The following SVEP1 variants were observed in gnomAD, a reference collection of about 807,000 sequenced individuals.
The protein encoded by SVEP1 is sushi, von Willebrand factor type A, EGF and pentraxin domain containing 1, also known as sushi, von Willebrand factor type A, EGF and pentraxin domain-containing protein 1.
In SVEP1, 164 loss-of-function variants were observed where a neutral mutation model predicts 367.3. That is an observed-to-expected ratio of 0.45 (90% confidence interval 0.39 to 0.51). The LOEUF is 0.51. Ranked by LOEUF, SVEP1 falls within the 20% of genes least tolerant of loss-of-function variation. The pLI is 0.00. For missense variants in SVEP1, 4,117 were observed against 4,425.3 expected, an observed-to-expected ratio of 0.93 and a Z score of 1.98; for synonymous variants, 1,666 against 1,611.6, an observed-to-expected ratio of 1.03 and a Z score of -0.81.
rs771122991 is a variant in SVEP1 at position 110,404,388 on chromosome 9, T to A, written c.9605A>T (p.Gln3202Leu). 7 of 1,613,896 alleles carry A rather than the reference T, an allele frequency of 4.3e-6. No homozygotes were observed. In the East Asian group the frequency reaches 1.6e-4, roughly 36 times the overall value. The change falls in exon 39 of 48, where the codon CAA becomes CTA. Residue 3202 changes from glutamine (Q) to leucine (L), a missense_variant. Around this residue, in one of 4 missense-constraint regions of SVEP1, gnomAD observed 1,765 missense variants for 1,781.1 expected, o/e 0.99. Coordinates refer to ENST00000374469, the MANE Select transcript of SVEP1 (RefSeq NM_153366.4). ...VHGDDFSVNR[Q>L]VSVSCAEGYT... ...CCCTTCTGCACATGACACAGAAACT[T>A]GCCTATTCACACTGAAATCGTCCCC...
At chr9:110,401,209 C>T (rs1827855812) in intron 39 of SVEP1, among the ~76,000 whole-genome samples, 200 bp from the exon 40 acceptor site, 1 of 151,986 alleles carries the variant, frequency 6.6e-6, no homozygotes, top group Admixed American at 6.6e-5. Context: ...AATAGTCACC[C>T]ACAGACAATT....
chr9:110,443,622 T>A lies in SVEP1; in HGVS notation c.4562A>T (p.Asn1521Ile), dbSNP rs761189420. Reference sequence around the variant, plus strand: ...ATCGATATAGACTTTCCAGATGCCATTGGCACTTGTCCAAGTGATTGCAAT... The same window carrying A: ...ATCGATATAGACTTTCCAGATGCCAATGGCACTTGTCCAAGTGATTGCAAT... ...HHIAITWTSANGIWKVYIDGK... is the reference protein window; with the variant it reads ...HHIAITWTSAIGIWKVYIDGK... Residue 1521 changes from asparagine (N) to isoleucine (I), a missense_variant, in exon 27 of 48, where the codon AAT becomes ATT. Transcript: ENST00000374469. The A allele has an allele frequency of 1.9e-6, 3 of 1,613,416 alleles. No homozygotes were observed. The highest frequency in any genetic ancestry group is 2.5e-6 in the Non-Finnish European group (3 of 1,179,732).
chr9:110,401,865 G>A (rs1827868290), intron 39 of SVEP1, among the ~76,000 whole-genome samples: 1 of 151,912 alleles, frequency 6.6e-6, no homozygotes, highest in South Asian at 2.1e-4. Flanking sequence ...ATATTTTTCT[G>A]TTTTCTTTGT....
At chr9:110,466,765 A>AAAAAAAAAG (rs1828944787) in intron 17 of SVEP1, among the ~76,000 whole-genome samples, 2 of 143,880 alleles carry the variant, frequency 1.4e-5, no homozygotes, top group Admixed American at 7.0e-5. Flanking sequence ...CATCTCAAAA[A>AAAAAAAAAG]AAAAAAAAAA....
At position 110,429,322 on chromosome 9, in the gene SVEP1, T is replaced by A; in HGVS notation, c.5628A>T (p.Gly1876=). Residue 1876 remains glycine, a synonymous_variant, in exon 35 of 48, where the codon GGA becomes GGT. Coordinates refer to ENST00000374469, the MANE Select transcript of SVEP1 (RefSeq NM_153366.4). ...GSKVTYRCNK[G]YTLAGDKESS... ...ATTCTTTATCACCGGCCAGAGTATA[T>A]CCTTTATTACACCTAAAGAAGATAG... 6.4e-7 allele frequency: 1 copy of A among 1,567,256 alleles called. No homozygotes were observed. Among genetic ancestry groups the A allele is most frequent in the Non-Finnish European group, 8.6e-7 (1 of 1,157,634 alleles).
At chr9:110,375,661 A>C (rs566888618) in intron 45 of SVEP1, among the ~76,000 whole-genome samples, 198 bp from the exon 46 acceptor site, 18 of 152,280 alleles carry the variant, frequency 1.2e-4, no homozygotes, top group Middle Eastern at 3.4e-3. Flanking sequence ...CAGGAAAGTA[A>C]GCCTGGATTC....
rs1001263420 is a variant in SVEP1, at chr9:110,386,189, G to C, written c.10061-115C>G. ...TGGGTTCTCAATAATGATCATATAA[G>C]GTTTAAAAATATGGAACTCCAAACA... is the stretch of plus-strand genomic sequence containing the variant. On this transcript the variant is annotated intron_variant, in intron 42 of 47. Transcript: ENST00000374469. 10 of 1,142,798 alleles carry C rather than the reference G, an allele frequency of 8.8e-6. No individual in the cohort carries two copies. In the Admixed American group the frequency reaches 3.2e-4, roughly 37 times the overall value. 70.8% of individuals were successfully genotyped at this position (1,142,798 alleles called of 1,614,324 possible).
chr9:110,471,733 T>C (rs1829020960), intron 15 of SVEP1, 136 bp from the exon 16 acceptor site: 1 of 679,874 alleles, frequency 1.5e-6, no homozygotes, highest in Admixed American at 3.0e-5. Context: ...AAAATAAAAA[T>C]CTTTCAGGAA....
rs1470289454 is a variant in SVEP1 at position 110,429,912 on chromosome 9, A to G, written c.5615+8T>C. The G allele has an allele frequency of 1.9e-6, 3 of 1,609,444 alleles. No individual in the cohort carries two copies. Among genetic ancestry groups the G allele is most frequent in the Non-Finnish European group, 2.5e-6 (3 of 1,177,082 alleles). On this transcript the variant is annotated splice_region_variant and intron_variant, in intron 34 of 47. Coordinates refer to ENST00000374469, the MANE Select transcript of SVEP1 (RefSeq NM_153366.4). The stretch of plus-strand genomic sequence containing the variant: ...TTCTACAATATAGTTTTAATCTTAG[A>G]TACTTACCTATATGTCACTTTGCTG...
intron 13 of SVEP1, among the ~76,000 whole-genome samples, chr9:110,477,216 T>C (rs1396426824): frequency 1.3e-5 from 2 of 152,208 alleles, no homozygotes; most frequent in Non-Finnish European, 2.9e-5. Context: ...AACAGTTCCT[T>C]GACTTCATCA....
intron 14 of SVEP1, among the ~76,000 whole-genome samples, chr9:110,473,361 C>T (rs1433058615): frequency 6.6e-6 from 1 of 152,072 alleles, no homozygotes; most frequent in Non-Finnish European, 1.5e-5. Context: ...GAAATAATCA[C>T]CATGAACATT....
chr9:110,407,431 A>G lies in SVEP1; in HGVS notation c.8169T>C (p.Pro2723=). 2 of 1,614,038 alleles carry G rather than the reference A, an allele frequency of 1.2e-6. No homozygotes were observed. The highest frequency in any genetic ancestry group is 1.7e-6 in the Non-Finnish European group (2 of 1,179,902). Residue 2723 remains proline (P), a synonymous_variant, in exon 38 of 48, where the codon CCT becomes CCC. Coordinates refer to ENST00000374469, the MANE Select transcript of SVEP1 (RefSeq NM_153366.4). ...ISIECDLPTA[P]ENGFLRFTET... ...CTGTAAAACGCAAAAAGCCATTTTCAGGAGCAGTAGGCAAGTCACATTCAA... is the reference window on the plus strand; with the variant it reads ...CTGTAAAACGCAAAAAGCCATTTTCGGGAGCAGTAGGCAAGTCACATTCAA...
At chr9:110,401,600 A>G (rs1189633863) in intron 39 of SVEP1, among the ~76,000 whole-genome samples, 3 of 150,972 alleles carry the variant, frequency 2.0e-5, no homozygotes, top group Non-Finnish European at 4.4e-5. Context: ...TTATAAAGAA[A>G]TCCTCAATAA....
At chr9:110,491,330 T>C (rs543741093) in intron 8 of SVEP1, among the ~76,000 whole-genome samples, 20 of 152,138 alleles carry the variant, frequency 1.3e-4, no homozygotes, top group African/African-American at 4.8e-4. Context: ...TATAAATATT[T>C]TGCTTTTTAA....
intron 43 of SVEP1, among the ~76,000 whole-genome samples, chr9:110,381,077 CATTTTT>C (rs1325414724): frequency 6.6e-6 from 1 of 152,102 alleles, no homozygotes; most frequent in Admixed American, 6.6e-5. Flanking sequence ...TTCCCTTTAT[CATTTTT>C]ATTGTCTATT....
chr9:110,492,502 T>A (rs1305998051), intron 8 of SVEP1, among the ~76,000 whole-genome samples: 1 of 152,100 alleles, frequency 6.6e-6, no homozygotes, highest in African/African-American at 2.4e-5. Flanking sequence ...TTTAAAACTT[T>A]ATTAAAAAGA....
chr9:110,393,419 C>T (rs759700553), intron 40 of SVEP1, among the ~76,000 whole-genome samples: 2 of 152,286 alleles, frequency 1.3e-5, no homozygotes, highest in Non-Finnish European at 1.5e-5. Flanking sequence ...ATAGGAACAG[C>T]TCCAGTCTAC....
chr9:110,520,535 C>G (rs576831425), intron 3 of SVEP1, among the ~76,000 whole-genome samples: 5 of 152,246 alleles, frequency 3.3e-5, no homozygotes, highest in South Asian at 4.1e-4. Context: ...GAGGTTATCA[C>G]GTTGTACTAA....
chr9:110,405,907 C>T (rs1231609915), intron 38 of SVEP1, among the ~76,000 whole-genome samples: 2 of 152,116 alleles, frequency 1.3e-5, no homozygotes, highest in African/African-American at 2.4e-5. Context: ...GTTTGTTTCA[C>T]GAAGCTCAAC....
Sources: gnomAD v4.1 joint callset for allele counts (sites outside exome capture counted in the v4.1 genomes callset) on GRCh38, gnomAD v4.1.1 for gene constraint, gnomAD v4.1.1 regional missense constraint, MANE v1.5 for transcripts, NCBI Gene and HGNC (gene_info 2026-07-23, HGNC 2026-07-21) for gene names.